The following TNIK variants were observed in gnomAD, a reference collection of about 807,000 sequenced individuals.
TNIK encodes TRAF2 and NCK-interacting protein kinase.
In TNIK, 49 loss-of-function variants were observed where a neutral mutation model predicts 191.3. The ratio of observed to expected loss-of-function variants is 0.26; its 90% CI spans 0.20 to 0.32. The LOEUF is 0.32. Among genes scored for constraint, TNIK ranks in the 10% least tolerant of loss-of-function variants. The pLI is 1.00. For synonymous variants in TNIK, 594 were observed against 600.9 expected (o/e 0.99, Z 0.17); for missense variants, 1,155 against 1,702.3 (o/e 0.68, Z 5.66).
chr3:171,452,575 C>G (rs1377722423), intron 1 of TNIK, among the ~76,000 whole-genome samples: 1 of 152,090 alleles, frequency 6.6e-6, no homozygotes, highest in Non-Finnish European at 1.5e-5. Context: ...CTCTCTCTAC[C>G]CGCTCACTGC....
intron 1 of TNIK, among the ~76,000 whole-genome samples, chr3:171,389,275 G>C (rs1237999554): frequency 6.9e-6 from 1 of 144,980 alleles, no homozygotes; most frequent in Non-Finnish European, 1.5e-5. Context: ...ACCAGAAACT[G>C]TGTCCGTTGG....
chr3:171,093,064 C>G (rs1393271892), intron 23 of TNIK, among the ~76,000 whole-genome samples: 1 of 152,208 alleles, frequency 6.6e-6, no homozygotes, highest in Non-Finnish European at 1.5e-5. Flanking sequence ...AGGGAGAGGT[C>G]AGGTAACATT....
intron 26 of TNIK, among the ~76,000 whole-genome samples, chr3:171,083,165 A>G (rs1206965286): frequency 6.6e-6 from 1 of 152,174 alleles, no homozygotes; most frequent in African/African-American, 2.4e-5. Flanking sequence ...TGAGAGGCTC[A>G]TTGTGCAGTG....
chr3:171,177,491 A>T, intron 7 of TNIK, 111 bp from the exon 8 acceptor site: 1 of 1,323,836 alleles, frequency 7.6e-7, no homozygotes, highest in Non-Finnish European at 1.0e-6. Context: ...TTTTCTGTTT[A>T]CAAACCTATT....
At chr3:171,149,061 A>G (rs1732051886) in intron 12 of TNIK, among the ~76,000 whole-genome samples, 1 of 152,236 alleles carries the variant, frequency 6.6e-6, no homozygotes, top group Non-Finnish European at 1.5e-5. Context: ...ACAAGAATCA[A>G]AATAAAAGCA....
At chr3:171,219,318 G>GTA (rs888648128) in intron 3 of TNIK, among the ~76,000 whole-genome samples, 127 of 143,356 alleles carry the variant, frequency 8.9e-4, no homozygotes, top group African/African-American at 2.8e-3. Context: ...ATAATGATGT[G>GTA]TATATATATA....
chr3:171,167,011 C>A, intron 10 of TNIK, 84 bp downstream of exon 10: 2 of 1,480,260 alleles, frequency 1.4e-6, no homozygotes, highest in South Asian at 2.8e-5. Flanking sequence ...TTTGAAATCC[C>A]CATAGTCACC....
chr3:171,151,259 C>T (rs1292553596), intron 12 of TNIK, among the ~76,000 whole-genome samples: 1 of 152,200 alleles, frequency 6.6e-6, no homozygotes, highest in Non-Finnish European at 1.5e-5. Flanking sequence ...CATCTAAGAA[C>T]TATTAGACAT....
chr3:171,270,957 A>C (rs1477658144), intron 2 of TNIK, among the ~76,000 whole-genome samples: 1 of 152,190 alleles, frequency 6.6e-6, no homozygotes, highest in Non-Finnish European at 1.5e-5. Context: ...GGTACTTTGC[A>C]AGTGCATTTA....
chr3:171,183,079 C>G (rs1736864503), intron 7 of TNIK, among the ~76,000 whole-genome samples: 1 of 152,186 alleles, frequency 6.6e-6, no homozygotes, highest in Non-Finnish European at 1.5e-5. Flanking sequence ...GCAGTTCAAC[C>G]AGCAAACCAG....
chr3:171,181,080 A>T (rs933532314), intron 7 of TNIK, among the ~76,000 whole-genome samples: 1 of 152,194 alleles, frequency 6.6e-6, no homozygotes, highest in Non-Finnish European at 1.5e-5. Context: ...GGGCTCAAGC[A>T]ATCCTCCCAC....
intron 24 of TNIK, among the ~76,000 whole-genome samples, chr3:171,085,655 T>C (rs1721256546): frequency 1.3e-5 from 2 of 151,998 alleles, no homozygotes; most frequent in Admixed American, 1.3e-4. Context: ...CTGAACAGAG[T>C]CAAACCAAGG....
Position 171,060,823 on chromosome 3 carries a change from C to T in TNIK, c.*3058G>A, listed in dbSNP as rs1186431432. Among the ~76,000 whole-genome samples the T allele has an allele frequency of 6.6e-6, 1 of 152,062 alleles. No individual in the cohort carries two copies. Among genetic ancestry groups the T allele is most frequent in the African/African-American group, 2.4e-5 (1 of 41,410 alleles). On this transcript the variant is annotated 3_prime_UTR_variant, in exon 33 of 33. Coordinates refer to ENST00000436636, the MANE Select transcript of TNIK (RefSeq NM_015028.4). ...TGATGGTCACCTGCCAGACCCCAGACCCAGACTATGGTGTGGGCAGGCTCA... is the reference window on the plus strand; with the variant it reads ...TGATGGTCACCTGCCAGACCCCAGATCCAGACTATGGTGTGGGCAGGCTCA...
chr3:171,229,311 A>C (rs916489978), intron 2 of TNIK, among the ~76,000 whole-genome samples: 3 of 152,230 alleles, frequency 2.0e-5, no homozygotes, highest in African/African-American at 7.2e-5. Context: ...TGTTTCATAA[A>C]GGCAAGGACC....
At chr3:171,214,136 C>A (rs61792432) in intron 3 of TNIK, among the ~76,000 whole-genome samples, 7,017 of 151,662 alleles carry the variant, frequency 0.046, 196 homozygotes, top group South Asian at 0.071. Context: ...ATTTAGCAGG[C>A]CTTTGGGCCT....
chr3:171,166,124 T>C (rs914126638), intron 10 of TNIK, among the ~76,000 whole-genome samples: 10 of 152,182 alleles, frequency 6.6e-5, no homozygotes, highest in Admixed American at 5.9e-4. Flanking sequence ...AAGCACACAA[T>C]GTAGTAGAAA....
chr3:171,263,690 A>G (rs982647086), intron 2 of TNIK, among the ~76,000 whole-genome samples: 1 of 152,038 alleles, frequency 6.6e-6, no homozygotes, highest in Admixed American at 6.5e-5. Context: ...ATAGAAAAGT[A>G]AAAATATATT....
chr3:171,318,337 C>CA (rs903518000), intron 2 of TNIK, among the ~76,000 whole-genome samples: 4 of 152,122 alleles, frequency 2.6e-5, no homozygotes, highest in Admixed American at 1.3e-4. Flanking sequence ...ATATACACCA[C>CA]AAAAAAATAC....
intron 2 of TNIK, among the ~76,000 whole-genome samples, chr3:171,252,075 T>C (rs1248507537): frequency 6.6e-6 from 1 of 152,008 alleles, no homozygotes; most frequent in African/African-American, 2.4e-5. Context: ...TGTGTGTGTG[T>C]GTGTGCGTGT....
Sources: gnomAD v4.1 joint callset for allele counts (sites outside exome capture counted in the v4.1 genomes callset) on GRCh38, gnomAD v4.1.1 for gene constraint, MANE v1.5 for transcripts, NCBI Gene and HGNC (gene_info 2026-07-23, HGNC 2026-07-21) for gene names.